The following GRIN3A variants were observed in gnomAD, a reference collection of about 807,000 sequenced individuals.
GRIN3A encodes glutamate ionotropic receptor NMDA type subunit 3A.
In GRIN3A, 47 loss-of-function variants were observed where a neutral mutation model predicts 92.4. The ratio of observed to expected loss-of-function variants is 0.51; its 90% CI spans 0.40 to 0.65. GRIN3A has a LOEUF of 0.65. Ranked by LOEUF, GRIN3A falls within the 30% of genes least tolerant of loss-of-function variation. The probability of loss-of-function intolerance (pLI) is 0.00; values close to 1 mark genes in which losing one functional copy is unlikely to be tolerated. For synonymous variants in GRIN3A, 527 were observed against 540.6 expected, an observed-to-expected ratio of 0.97 and a Z score of 0.35; for missense variants, 1,324 against 1,393.1, an observed-to-expected ratio of 0.95 and a Z score of 0.79.
chr9:101,608,369 A>G (rs1193430852), intron 6 of GRIN3A, among the ~76,000 whole-genome samples: 1 of 152,178 alleles, frequency 6.6e-6, no homozygotes, highest in Non-Finnish European at 1.5e-5. Flanking sequence ...CCAGCTGACT[A>G]CATCTAGAAT....
chr9:101,610,617 C>G (rs1564125742), intron 6 of GRIN3A, among the ~76,000 whole-genome samples: 1 of 142,590 alleles, frequency 7.0e-6, no homozygotes, highest in African/African-American at 2.5e-5. Flanking sequence ...ATCTATCTAT[C>G]TATCTATCAT....
At chr9:101,631,549 C>T (rs1828709604) in intron 3 of GRIN3A, among the ~76,000 whole-genome samples, 1 of 152,140 alleles carries the variant, frequency 6.6e-6, no homozygotes. Context: ...TGCACCAGCA[C>T]ATCGTTCCTT....
chr9:101,628,243 G>C lies in GRIN3A; in HGVS notation c.2498+13C>G. 1 of 1,613,598 alleles carries C rather than the reference G, an allele frequency of 6.2e-7. No individual in the cohort carries two copies. Among genetic ancestry groups the C allele is most frequent in the Non-Finnish European group, 8.5e-7 (1 of 1,179,650 alleles). On this transcript the variant is annotated intron_variant, in intron 4 of 8. Coordinates refer to ENST00000361820, the MANE Select transcript of GRIN3A (RefSeq NM_133445.3). ...TGAGAATTTTTCTTTGGATCCAAGAGGTTGACACTCACTTCAGATACTCCA... is the reference window on the plus strand; with the variant it reads ...TGAGAATTTTTCTTTGGATCCAAGACGTTGACACTCACTTCAGATACTCCA...
At chr9:101,623,239 C>T in intron 5 of GRIN3A, 79 bp downstream of exon 5, 1 of 908,608 alleles carries the variant, frequency 1.1e-6, no homozygotes, top group East Asian at 2.4e-5. Flanking sequence ...TTGCTTCTGA[C>T]TTTGGCATTT....
chr9:101,647,588 A>G (rs1164165860), intron 3 of GRIN3A, among the ~76,000 whole-genome samples: 2 of 151,820 alleles, frequency 1.3e-5, no homozygotes, highest in African/African-American at 4.8e-5. Flanking sequence ...GTTCTTTTAA[A>G]GTTTGGTTGA....
In GRIN3A at chr9:101,684,531, A is replaced by G. The variant is rs1829506389; in HGVS notation, c.1304+2065T>C. 2.0e-5 allele frequency among the ~76,000 whole-genome samples: 3 copies of G among 152,136 alleles called. No homozygotes were observed. The South Asian group carries it at 6.2e-4, about 31-fold the overall frequency. On this transcript the variant is annotated intron_variant, in intron 2 of 8. Transcript: ENST00000361820. ...ATTCTAGCTCAGAACTCAGATTCAC[A>G]GACAAATAATGAGGATAGAATGGGC...
intron 3 of GRIN3A, among the ~76,000 whole-genome samples, chr9:101,649,547 T>A (rs191393757): frequency 6.6e-6 from 1 of 152,020 alleles, no homozygotes; most frequent in Admixed American, 6.6e-5. Context: ...CAACCATGGA[T>A]CTAGGGAAAT....
intron 3 of GRIN3A, among the ~76,000 whole-genome samples, chr9:101,669,014 T>C (rs886479018): frequency 6.6e-6 from 1 of 152,214 alleles, no homozygotes; most frequent in Admixed American, 6.5e-5. Flanking sequence ...TTTTATAATA[T>C]GAAAGGCTCA....
At chr9:101,674,972 G>T (rs1244728406) in intron 2 of GRIN3A, among the ~76,000 whole-genome samples, 1 of 148,884 alleles carries the variant, frequency 6.7e-6, no homozygotes, top group Non-Finnish European at 1.5e-5. Context: ...AGATTACTGA[G>T]TAGCATAATG....
intron 3 of GRIN3A, among the ~76,000 whole-genome samples, chr9:101,647,404 G>A (rs570372734): frequency 6.6e-6 from 1 of 151,800 alleles, no homozygotes; most frequent in African/African-American, 2.4e-5. Flanking sequence ...ATAGCACTTT[G>A]TTGAGGATTT....
In GRIN3A at chr9:101,623,272, T is replaced by C. The variant is rs750055793; in HGVS notation, c.2614+46A>G. ...TTTGTGACTTTCTAGGTTGGCAAAC[T>C]GAGCACATCCTGAGTAAAAGTGAAT... On this transcript the variant is annotated intron_variant, in intron 5 of 8. Coordinates refer to ENST00000361820, the MANE Select transcript of GRIN3A (RefSeq NM_133445.3). 8 of 1,328,240 alleles carry C rather than the reference T, an allele frequency of 6.0e-6. 1 individual carries two copies. The South Asian group carries it at 8.2e-5, about 14-fold the overall frequency. The allele number at this position is 1,328,240 out of a possible 1,614,324, so 82.3% of individuals were successfully genotyped here. A position where few individuals can be genotyped will look rare whatever the true frequency, so the allele number is the denominator to read the frequency against.
chr9:101,599,023 T>C (rs375222807), intron 6 of GRIN3A, among the ~76,000 whole-genome samples: 34 of 152,118 alleles, frequency 2.2e-4, no homozygotes, highest in African/African-American at 7.0e-4. Flanking sequence ...GGTTAGGAGG[T>C]AGGAAAGGGT....
chr9:101,670,402 C>T lies in GRIN3A; in HGVS notation c.2010G>A (p.Met670Ile). The T allele has an allele frequency of 6.2e-7, 1 of 1,614,020 alleles. No individual in the cohort carries two copies. The highest frequency in any genetic ancestry group is 8.5e-7 in the Non-Finnish European group (1 of 1,179,954). ...RDTAAPIGAF[M>I]WPLHWTMWLG... Reference sequence around the variant, plus strand: ...GCCACATTGTCCAGTGGAGTGGCCACATGAAGGCTCCAATGGGAGCTGCTG... The same window carrying T: ...GCCACATTGTCCAGTGGAGTGGCCATATGAAGGCTCCAATGGGAGCTGCTG... Residue 670 changes from methionine (M) to isoleucine (I), a missense_variant, in exon 3 of 9, where the codon ATG (methionine) becomes ATA (isoleucine). Physicochemically the swap from Met to Ile is conservative, Grantham distance 10 (BLOSUM62 1). Transcript: ENST00000361820.
Position 101,579,181 on chromosome 9 carries a change from A to T in GRIN3A, c.2931+15T>A. The stretch of plus-strand genomic sequence containing the variant: ...CAGTTTAAGAATATTGGAGCAAGAC[A>T]CCTGTGGCACTCACCTGGCTGGTGT... On this transcript the variant is annotated intron_variant, in intron 7 of 8. Transcript: ENST00000361820. The T allele has an allele frequency of 6.2e-7, 1 of 1,613,290 alleles. No individual in the cohort carries two copies. Among genetic ancestry groups the T allele is most frequent in the Non-Finnish European group, 8.5e-7 (1 of 1,179,550 alleles).
At chr9:101,612,291 G>T (rs1370158226) in intron 6 of GRIN3A, among the ~76,000 whole-genome samples, 1 of 152,210 alleles carries the variant, frequency 6.6e-6, no homozygotes. Flanking sequence ...GATGAATGTG[G>T]AAGATGAGAT....
At chr9:101,736,848 A>T (rs942112680) in intron 1 of GRIN3A, among the ~76,000 whole-genome samples, 51 of 152,218 alleles carry the variant, frequency 3.4e-4, no homozygotes, top group African/African-American at 1.1e-3. Flanking sequence ...ATGCTGTCAG[A>T]GTTGCTCTTG....
At chr9:101,721,636 C>T (rs1297644308) in intron 1 of GRIN3A, among the ~76,000 whole-genome samples, 1 of 152,080 alleles carries the variant, frequency 6.6e-6, no homozygotes, top group Non-Finnish European at 1.5e-5. Flanking sequence ...AAGGTCCAGG[C>T]TGAGGTGGTC....
At chr9:101,600,171 G>T (rs897188279) in intron 6 of GRIN3A, among the ~76,000 whole-genome samples, 2 of 152,172 alleles carry the variant, frequency 1.3e-5, no homozygotes, top group South Asian at 4.1e-4. Context: ...GATTAAATGA[G>T]ATAGATTATA....
At chr9:101,600,956 G>T (rs1588243327) in intron 6 of GRIN3A, 1 of 152,316 alleles carries the variant, frequency 6.6e-6, no homozygotes. Context: ...TGAGTGAATT[G>T]AGGCATTAAA....
Sources: allele counts gnomAD v4.1 joint callset (sites outside exome capture counted in the v4.1 genomes callset), GRCh38; gene constraint gnomAD v4.1.1; transcripts MANE v1.5; gene names NCBI Gene and HGNC (gene_info 2026-07-23, HGNC 2026-07-21).